PIEZO2: variants seen among roughly 807,000 people sequenced by gnomAD.
PIEZO2 encodes the protein piezo-type mechanosensitive ion channel component 2.
In PIEZO2, 172 loss-of-function variants were observed where a neutral mutation model predicts 337.3. The observed-to-expected ratio is 0.51, with a 90% CI of 0.45 to 0.58. The LOEUF is 0.58. Among genes scored for constraint, PIEZO2 ranks in the 20% least tolerant of loss-of-function variants. The pLI is 0.00. For missense variants in PIEZO2, 3,028 were observed against 3,391.3 expected, an observed-to-expected ratio of 0.89 and a Z score of 2.66; for synonymous variants, 1,251 against 1,228.5, an observed-to-expected ratio of 1.02 and a Z score of -0.38.
chr18:10,884,720 A>C (rs1165876735), intron 4 of PIEZO2, among the ~76,000 whole-genome samples: 1 of 152,232 alleles, frequency 6.6e-6, no homozygotes, highest in African/African-American at 2.4e-5. Flanking sequence ...TAGTGCATCG[A>C]ATAACTTAAG....
At chr18:10,772,799 T>C (rs115683242) in intron 20 of PIEZO2, among the ~76,000 whole-genome samples, 3 of 152,254 alleles carry the variant, frequency 2.0e-5, no homozygotes, top group Non-Finnish European at 2.9e-5. Flanking sequence ...TCATGCTCTA[T>C]TAAAACATTA....
Position 10,973,446 on chromosome 18 carries a change from T to C in PIEZO2, c.286+6089A>G. 6.6e-6 allele frequency among the ~76,000 whole-genome samples: 1 copy of C among 152,212 alleles called. No homozygotes were observed. The highest frequency in any genetic ancestry group is 2.1e-4 in the South Asian group (1 of 4,836). On this transcript the variant is annotated intron_variant, in intron 3 of 55. Coordinates refer to ENST00000674853, the MANE Select transcript of PIEZO2 (RefSeq NM_001378183.1). The surrounding 1 kb of genome is among the most constrained non-coding windows in gnomAD (Gnocchi z 4.9). ...GCATATGTCTCCGTGAGGCAGTGCC[T>C]CAATCACCAGGGGTGGAAGAAAACA...
intron 3 of PIEZO2, among the ~76,000 whole-genome samples, chr18:10,931,097 T>C (rs1410576130): frequency 1.3e-5 from 2 of 152,128 alleles, no homozygotes; most frequent in East Asian, 1.9e-4. Flanking sequence ...GGGTCTGAGG[T>C]GTAGATCTCA....
At position 11,146,272 on chromosome 18, in the gene PIEZO2, G is replaced by A. The variant is rs1272374458; in HGVS notation, c.64+2253C>T. The stretch of plus-strand genomic sequence containing the variant: ...TTATCTTGTCGCCCCTGGAAGCCGA[G>A]CTCCTCCCAGAAAGTCCAGGATCAA... On this transcript the variant is annotated intron_variant, in intron 1 of 55. Coordinates refer to ENST00000674853, the MANE Select transcript of PIEZO2 (RefSeq NM_001378183.1). The surrounding 1 kb of genome is among the most constrained non-coding windows in gnomAD (Gnocchi z 6.1). Among the ~76,000 whole-genome samples the A allele has an allele frequency of 6.6e-6, 1 of 152,174 alleles. No individual in the cohort carries two copies. Among genetic ancestry groups the A allele is most frequent in the East Asian group, 1.9e-4 (1 of 5,180 alleles).
At position 11,109,244 on chromosome 18, in the gene PIEZO2, G is replaced by C. The variant is rs937214021; in HGVS notation, c.64+39281C>G. ...TTTATTAGCACTTTATGGTCCACAT[G>C]ATCATTTAAGGAGGGTAAAAAGCTC... On this transcript the variant is annotated intron_variant, in intron 1 of 55. Coordinates refer to ENST00000674853, the MANE Select transcript of PIEZO2 (RefSeq NM_001378183.1). This position sits in a 1 kb window ranked among gnomAD's most constrained non-coding sequence, Gnocchi z 5.1. Among the ~76,000 whole-genome samples the C allele has an allele frequency of 2.0e-5, 3 of 152,176 alleles. No homozygotes were observed. Among genetic ancestry groups the C allele is most frequent in the African/African-American group, 7.2e-5 (3 of 41,430 alleles).
At chr18:10,910,349 G>C (rs769313320) in intron 4 of PIEZO2, among the ~76,000 whole-genome samples, 3 of 152,178 alleles carry the variant, frequency 2.0e-5, no homozygotes, top group Non-Finnish European at 4.4e-5. Context: ...CTGGGAGGCC[G>C]AGCTGGGCGG....
intron 2 of PIEZO2, among the ~76,000 whole-genome samples, chr18:11,017,919 G>A (rs78774011): frequency 0.012 from 1,849 of 152,276 alleles, 38 homozygotes; most frequent in African/African-American, 0.042. Context: ...CTTGAGCTCA[G>A]AAGTTCCAGG....
chr18:11,067,475 G>A (rs993828797), intron 1 of PIEZO2, among the ~76,000 whole-genome samples: 5 of 152,118 alleles, frequency 3.3e-5, no homozygotes, highest in African/African-American at 9.7e-5. Flanking sequence ...AAAGACCCAA[G>A]TATATGCTGC....
At chr18:11,017,994 A>C (rs2036176073) in intron 2 of PIEZO2, among the ~76,000 whole-genome samples, 1 of 152,084 alleles carries the variant, frequency 6.6e-6, no homozygotes, top group Non-Finnish European at 1.5e-5. Context: ...TAACCAAACA[A>C]ATAAAAAACA....
chr18:10,827,142 G>A (rs1054713346), intron 7 of PIEZO2, among the ~76,000 whole-genome samples: 27 of 152,032 alleles, frequency 1.8e-4, no homozygotes, highest in Admixed American at 9.2e-4. Flanking sequence ...TATCTCTGGT[G>A]GAAAAATAAA....
chr18:10,964,133 C>G (rs2033902848), intron 3 of PIEZO2, among the ~76,000 whole-genome samples: 1 of 152,076 alleles, frequency 6.6e-6, no homozygotes, highest in African/African-American at 2.4e-5. Context: ...ATCCACTTTT[C>G]AAAGTCTCTA....
chr18:10,685,388 C>T (rs1567946561), intron 49 of PIEZO2, among the ~76,000 whole-genome samples: 1 of 152,126 alleles, frequency 6.6e-6, no homozygotes, highest in Non-Finnish European at 1.5e-5. Flanking sequence ...CTGAAGTAGC[C>T]ATTGGTTTAG....
At chr18:10,715,576 G>A in intron 38 of PIEZO2, 74 bp downstream of exon 38, 1 of 1,345,002 alleles carries the variant, frequency 7.4e-7, no homozygotes. Flanking sequence ...TATCCTACCT[G>A]GAGTTTTGGA....
In PIEZO2 at chr18:10,843,457, T is replaced by C. The variant is rs2041255718; in HGVS notation, c.917+11896A>G. ...AAGTCAATCTTTCTACTTCAAGAAA[T>C]TTACCACCACTAATTTGCTATTAAT... is the stretch of plus-strand genomic sequence containing the variant. On this transcript the variant is annotated intron_variant, in intron 7 of 55. Coordinates refer to ENST00000674853, the MANE Select transcript of PIEZO2 (RefSeq NM_001378183.1). 2.0e-5 allele frequency among the ~76,000 whole-genome samples: 3 copies of C among 152,096 alleles called. No homozygotes were observed. In the South Asian group the frequency reaches 6.2e-4, roughly 32 times the overall value.
intron 3 of PIEZO2, among the ~76,000 whole-genome samples, chr18:10,963,974 G>A (rs771926739): frequency 1.7e-4 from 26 of 152,306 alleles, no homozygotes; most frequent in Middle Eastern, 3.4e-3. Flanking sequence ...ATGTATTAGA[G>A]AGACAGGCTC....
At chr18:10,921,915 T>C (rs959238651) in intron 3 of PIEZO2, among the ~76,000 whole-genome samples, 2 of 152,124 alleles carry the variant, frequency 1.3e-5, no homozygotes, top group African/African-American at 4.8e-5. Context: ...CCCAGGCTTA[T>C]TAGGAAGAGG....
intron 3 of PIEZO2, among the ~76,000 whole-genome samples, chr18:10,948,322 G>A (rs1020895988): frequency 6.6e-6 from 1 of 151,932 alleles, no homozygotes; most frequent in Non-Finnish European, 1.5e-5. Flanking sequence ...ATTTATCAAA[G>A]CTTCTTTACG....
At chr18:11,095,064 C>T (rs2039224448) in intron 1 of PIEZO2, among the ~76,000 whole-genome samples, 1 of 152,232 alleles carries the variant, frequency 6.6e-6, no homozygotes, top group Non-Finnish European at 1.5e-5. Flanking sequence ...TCAAAGGGCT[C>T]TCATTCCTGC....
intron 4 of PIEZO2, among the ~76,000 whole-genome samples, chr18:10,901,448 A>G (rs1433168253): frequency 6.6e-6 from 1 of 151,992 alleles, no homozygotes; most frequent in African/African-American, 2.4e-5. Context: ...ACACACACAC[A>G]CACACACACA....
Sources: allele counts gnomAD v4.1 joint callset (sites outside exome capture counted in the v4.1 genomes callset), GRCh38; gene constraint gnomAD v4.1.1; non-coding constraint Gnocchi (gnomAD v3.1); transcripts MANE v1.5; gene names NCBI Gene and HGNC (gene_info 2026-07-23, HGNC 2026-07-21).